Variants in DYNLT5 observed in about 807,000 individuals in gnomAD.
DYNLT5 encodes the protein dynein light chain Tctex-type 5.
DYNLT5 carries 25 observed loss-of-function variants against 19.3 expected under a neutral mutation model. The ratio of observed to expected loss-of-function variants is 1.30; its 90% confidence interval spans 0.95 to 1.81. DYNLT5 has a LOEUF of 1.81. Among genes scored for constraint, DYNLT5 ranks in the 40% most tolerant of loss-of-function variants. The pLI, the probability that DYNLT5 is intolerant of heterozygous loss-of-function variation, is 0.00. For missense variants in DYNLT5, 232 were observed against 217.9 expected (o/e 1.06, Z -0.41); for synonymous variants, 82 against 68.9 (o/e 1.19, Z -0.94).
chr1:66,769,564 A>G (rs1240365462), intron 2 of DYNLT5, among the ~76,000 whole-genome samples: 1 of 151,890 alleles, frequency 6.6e-6, no homozygotes, highest in Non-Finnish European at 1.5e-5. Context: ...CACACATGCT[A>G]TTATATCCTC....
rs947254447 is a variant in DYNLT5 at position 66,778,988 on chromosome 1, G to A, written c.*1534G>A. On this transcript the variant is annotated 3_prime_UTR_variant, in exon 5 of 5. Coordinates refer to ENST00000282670, the MANE Select transcript of DYNLT5 (RefSeq NM_152665.3). Reference sequence around the variant, plus strand: ...CTCCCTTCGTGGAACAACAGCGGGGGTAATCATATCACTAATTTTGTATGA... The same window carrying A: ...CTCCCTTCGTGGAACAACAGCGGGGATAATCATATCACTAATTTTGTATGA... Among the ~76,000 whole-genome samples the A allele has an allele frequency of 6.6e-6, 1 of 152,102 alleles. No individual in the cohort carries two copies. The highest frequency in any genetic ancestry group is 1.5e-5 in the Non-Finnish European group (1 of 68,016).
At chr1:66,756,182 C>A (rs997296096) in intron 2 of DYNLT5, among the ~76,000 whole-genome samples, 1 of 152,136 alleles carries the variant, frequency 6.6e-6, no homozygotes, top group African/African-American at 2.4e-5. Flanking sequence ...TTTTCACTGA[C>A]AACTACATTT....
At chr1:66,765,262 A>AT (rs1167872877) in intron 2 of DYNLT5, among the ~76,000 whole-genome samples, 2 of 152,188 alleles carry the variant, frequency 1.3e-5, no homozygotes, top group Non-Finnish European at 2.9e-5. Context: ...ATTTATAAAC[A>AT]TGGTGGTTCC....
At position 66,757,196 on chromosome 1, in the gene DYNLT5, G is replaced by T. The variant is rs547745887; in HGVS notation, c.119+2419G>T. Reference sequence around the variant, plus strand: ...GAGTAAAGGTAGACCTCCTTGAAAAGCTGCTTCTTATATGTGGTATAAGAT... The same window carrying T: ...GAGTAAAGGTAGACCTCCTTGAAAATCTGCTTCTTATATGTGGTATAAGAT... On this transcript the variant is annotated intron_variant, in intron 2 of 4. Coordinates refer to ENST00000282670, the MANE Select transcript of DYNLT5 (RefSeq NM_152665.3). Among the ~76,000 whole-genome samples, 7 of 152,266 alleles carry T rather than the reference G, an allele frequency of 4.6e-5. No individual in the cohort carries two copies. In the South Asian group the frequency reaches 1.0e-3, roughly 23 times the overall value.
intron 2 of DYNLT5, among the ~76,000 whole-genome samples, chr1:66,765,049 T>G (rs1489386888): frequency 6.6e-6 from 1 of 152,224 alleles, no homozygotes; most frequent in African/African-American, 2.4e-5. Context: ...GTGTTACCAG[T>G]ACTTCCCACT....
At chr1:66,766,602 T>C (rs1318121000) in intron 2 of DYNLT5, among the ~76,000 whole-genome samples, 1 of 152,218 alleles carries the variant, frequency 6.6e-6, no homozygotes, top group Non-Finnish European at 1.5e-5. Context: ...TATTTGCCCA[T>C]ACCTGCAAGC....
intron 2 of DYNLT5, among the ~76,000 whole-genome samples, chr1:66,757,585 C>T (rs1202706819): frequency 1.3e-5 from 2 of 152,126 alleles, no homozygotes; most frequent in African/African-American, 2.4e-5. Flanking sequence ...GGTCATCATA[C>T]TCCATCTGTA....
In DYNLT5 at chr1:66,764,336, A is replaced by G. The variant is rs1472677346; in HGVS notation, c.120-6051A>G. Reference sequence around the variant, plus strand: ...CTTGGTTATTTCTAGCTTTTGATTTAAAAGTGAGAGATGTGGGACTCTTCC... The same window carrying G: ...CTTGGTTATTTCTAGCTTTTGATTTGAAAGTGAGAGATGTGGGACTCTTCC... On this transcript the variant is annotated intron_variant, in intron 2 of 4. Transcript: ENST00000282670. 3.3e-5 allele frequency among the ~76,000 whole-genome samples: 5 copies of G among 152,212 alleles called. No homozygotes were observed. The East Asian group carries it at 9.6e-4, about 29-fold the overall frequency.
intron 3 of DYNLT5, among the ~76,000 whole-genome samples, chr1:66,775,978 T>C (rs754802002): frequency 6.6e-5 from 10 of 152,180 alleles, no homozygotes; most frequent in Admixed American, 1.3e-4. Context: ...TATAAAGTTG[T>C]TGAGACTTTG....
intron 2 of DYNLT5, among the ~76,000 whole-genome samples, chr1:66,760,681 A>T (rs2094644462): frequency 6.6e-6 from 1 of 152,196 alleles, no homozygotes; most frequent in Non-Finnish European, 1.5e-5. Context: ...GATGATCTCC[A>T]CAGCTTTGTA....
chr1:66,771,318 C>T (rs1189843935), intron 3 of DYNLT5, among the ~76,000 whole-genome samples: 1 of 152,180 alleles, frequency 6.6e-6, no homozygotes, highest in African/African-American at 2.4e-5. Flanking sequence ...AATATTCCTG[C>T]CATCCAATAT....
At chr1:66,767,201 G>T (rs145081657) in intron 2 of DYNLT5, among the ~76,000 whole-genome samples, 2 of 151,682 alleles carry the variant, frequency 1.3e-5, no homozygotes, top group Non-Finnish European at 2.9e-5. Flanking sequence ...ACTCCTCAAA[G>T]CCCCAGTTCC....
chr1:66,773,519 A>T (rs1052687577), intron 3 of DYNLT5, among the ~76,000 whole-genome samples: 1 of 152,110 alleles, frequency 6.6e-6, no homozygotes, highest in Non-Finnish European at 1.5e-5. Flanking sequence ...TAAATCCCCA[A>T]TTCTTCCTTC....
Position 66,776,370 on chromosome 1 carries a change from G to C in DYNLT5, c.303G>C (p.Glu101Asp). 1 of 1,612,354 alleles carries C rather than the reference G, an allele frequency of 6.2e-7. No homozygotes were observed. ...TACAAGTAGAAGAATATGAACCAGA[G>C]CTCTGTAGACAGATGACTAAAACCA... is the stretch of plus-strand genomic sequence containing the variant. Reference protein sequence around the residue: ...SYLQVEEYEPELCRQMTKTIS... With the variant: ...SYLQVEEYEPDLCRQMTKTIS... The change falls in exon 4 of 5, where the codon GAG becomes GAC. Residue 101 changes from glutamate to aspartate, a missense_variant. By Grantham distance (45) the Glu-to-Asp change is conservative. Coordinates refer to ENST00000282670, the MANE Select transcript of DYNLT5 (RefSeq NM_152665.3).
chr1:66,766,939 A>G (rs2094656338), intron 2 of DYNLT5, among the ~76,000 whole-genome samples: 1 of 152,116 alleles, frequency 6.6e-6, no homozygotes, highest in South Asian at 2.1e-4. Context: ...AAATGATGAG[A>G]ATTCATGAAC....
At chr1:66,758,659 A>G (rs1433507789) in intron 2 of DYNLT5, among the ~76,000 whole-genome samples, 1 of 152,206 alleles carries the variant, frequency 6.6e-6, no homozygotes, top group Admixed American at 6.6e-5. Flanking sequence ...TTAGGCATAT[A>G]AAGGTGAATA....
chr1:66,768,505 A>C (rs558399006), intron 2 of DYNLT5, among the ~76,000 whole-genome samples: 163 of 152,326 alleles, frequency 1.1e-3, no homozygotes, highest in African/African-American at 3.3e-3. Flanking sequence ...ACCAATCTTC[A>C]ACCAGTGGGA....
intron 2 of DYNLT5, among the ~76,000 whole-genome samples, chr1:66,758,471 C>T (rs931356750): frequency 6.6e-6 from 1 of 152,176 alleles, no homozygotes; most frequent in Non-Finnish European, 1.5e-5. Flanking sequence ...ACATTCTCTC[C>T]TTTGCCTCAA....
intron 2 of DYNLT5, among the ~76,000 whole-genome samples, chr1:66,757,913 C>T (rs536906325): frequency 6.6e-6 from 1 of 152,182 alleles, no homozygotes. Context: ...TGGCCACTTT[C>T]GCACTGTAAC....
Sources: gnomAD v4.1 joint callset for allele counts (sites outside exome capture counted in the v4.1 genomes callset) on GRCh38, gnomAD v4.1.1 for gene constraint, MANE v1.5 for transcripts, NCBI Gene and HGNC (gene_info 2026-07-23, HGNC 2026-07-21) for gene names.